The following MAP3K7 variants were observed in gnomAD, a reference collection of about 807,000 sequenced individuals.
MAP3K7 encodes TGF-beta activated kinase 1.
MAP3K7 carries 21 observed loss-of-function variants against 84.8 expected under a neutral mutation model. The ratio of observed to expected loss-of-function variants is 0.25; its 90% CI spans 0.18 to 0.36. The LOEUF (loss-of-function observed/expected upper bound fraction) is 0.36, where lower values mean the gene tolerates loss of function less well. Among genes scored for constraint, MAP3K7 ranks in the 10% least tolerant of loss-of-function variants. The pLI is 1.00. For missense variants in MAP3K7, 503 were observed against 747.7 expected (o/e 0.67, Z 3.82); for synonymous variants, 241 against 247.7 (o/e 0.97, Z 0.25).
rs1775382457 is a variant in MAP3K7 at position 90,528,110 on chromosome 6, C to T, written c.1357-4327G>A. ...AGCCAGAATGGTCTCGATCTCCTGA[C>T]CTCGTGATCCGCCCGCCTCGGCCTC... On this transcript the variant is annotated intron_variant, in intron 13 of 16. Coordinates refer to ENST00000369329, the MANE Select transcript of MAP3K7 (RefSeq NM_145331.3). Among the ~76,000 whole-genome samples the T allele has an allele frequency of 1.4e-4, 2 of 14,432 alleles. 1 individual carries two copies. Among genetic ancestry groups the T allele is most frequent in the Non-Finnish European group, 3.3e-4 (2 of 6,138 alleles). 9.5% of individuals were successfully genotyped at this position (14,432 alleles called of 152,430 possible).
intron 13 of MAP3K7, among the ~76,000 whole-genome samples, chr6:90,525,718 C>A (rs1037608217): frequency 4.6e-5 from 7 of 151,236 alleles, no homozygotes; most frequent in Non-Finnish European, 5.9e-5. Context: ...CAGGCACACA[C>A]AACTATGCCC....
intron 4 of MAP3K7, among the ~76,000 whole-genome samples, chr6:90,561,087 T>C (rs1776497504): frequency 1.3e-5 from 2 of 152,192 alleles, no homozygotes; most frequent in Non-Finnish European, 2.9e-5. Context: ...CAATTTGTTT[T>C]ATATAACTGG....
At chr6:90,540,507 T>C (rs1028748603) in intron 12 of MAP3K7, among the ~76,000 whole-genome samples, 1 of 151,942 alleles carries the variant, frequency 6.6e-6, no homozygotes, top group Non-Finnish European at 1.5e-5. Context: ...TTTCACTTTA[T>C]AAAAGCAATC....
In MAP3K7 at chr6:90,516,877, C is replaced by G. The variant is rs373452988; in HGVS notation, c.1641-196G>C. ...GTGTAATCATACAAATAACATAATC[C>G]TTTTATTAAGTAACTGTACTTGGAT... On this transcript the variant is annotated intron_variant, in intron 16 of 16. Coordinates refer to ENST00000369329, the MANE Select transcript of MAP3K7 (RefSeq NM_145331.3). Among the ~76,000 whole-genome samples the G allele has an allele frequency of 1.2e-3, 178 of 151,922 alleles. 1 individual carries two copies. Among genetic ancestry groups the G allele is most frequent in the African/African-American group, 3.9e-3 (161 of 41,492 alleles).
intron 13 of MAP3K7, among the ~76,000 whole-genome samples, chr6:90,526,846 A>C (rs992791675): frequency 6.6e-6 from 1 of 152,146 alleles, no homozygotes; most frequent in Admixed American, 6.5e-5. Context: ...ATCTTAAATT[A>C]TCCTAAACAA....
chr6:90,583,137 C>T (rs1454341177), intron 1 of MAP3K7, among the ~76,000 whole-genome samples: 1 of 152,102 alleles, frequency 6.6e-6, no homozygotes, highest in Non-Finnish European at 1.5e-5. Context: ...CCCGCACTGG[C>T]CCTCCAAAGT....
intron 1 of MAP3K7, among the ~76,000 whole-genome samples, chr6:90,573,347 A>T (rs191001882): frequency 8.5e-5 from 13 of 152,312 alleles, no homozygotes; most frequent in Admixed American, 8.5e-4. Context: ...AACAAAGTTG[A>T]CTATAACTAG....
rs182814265 is a variant in MAP3K7 at position 90,513,729 on chromosome 6, A to G, written c.*2772T>C. On this transcript the variant is annotated 3_prime_UTR_variant, in exon 17 of 17. Coordinates refer to ENST00000369329, the MANE Select transcript of MAP3K7 (RefSeq NM_145331.3). ...TAGAAGTAGAACTTACTACCATTTG[A>G]AGACAGGAGTTGAGCGCTGAAAACC... The G allele has an allele frequency of 1.3e-4, 20 of 152,260 alleles. No homozygotes were observed. In the East Asian group the frequency reaches 3.7e-3, roughly 28 times the overall value. The allele number at this position is 152,260 out of a possible 1,614,324, so 9.4% of individuals were successfully genotyped here.
chr6:90,536,282 T>C, intron 13 of MAP3K7, 55 bp downstream of exon 13: 1 of 1,409,824 alleles, frequency 7.1e-7, no homozygotes, highest in South Asian at 1.2e-5. Context: ...ATACAGTTAA[T>C]TCTTGTTTTC....
At chr6:90,560,026 TGAGA>T (rs776134715) in intron 5 of MAP3K7, 46 bp downstream of exon 5, 20 of 1,607,592 alleles carry the variant, frequency 1.2e-5, no homozygotes, top group Non-Finnish European at 1.5e-5. Flanking sequence ...GTGGTGAGAG[TGAGA>T]GAGAAGGAGG....
chr6:90,536,356 G>C lies in MAP3K7; in HGVS notation c.1337C>G (p.Thr446Ser). The C allele has an allele frequency of 6.2e-7, 1 of 1,612,200 alleles. No homozygotes were observed. The highest frequency in any genetic ancestry group is 1.1e-5 in the South Asian group (1 of 91,022). The change falls in exon 13 of 17, where the codon ACT becomes AGT. Residue 446 changes from threonine to serine, a missense_variant. This residue lies in a region of MAP3K7 where 286 missense variants were observed against 313.6 expected (regional missense o/e 0.91). Transcript: ENST00000369329. The part of the protein sequence containing the change: ...RRRSIQDLTV[T>S]GTEPGQVSSR... ...TCTTACCTGACCAGGTTCTGTTCCA[G>C]TTACAGTCAAGTCTTGGATGGATCT...
intron 5 of MAP3K7, among the ~76,000 whole-genome samples, chr6:90,559,451 AAG>A (rs1158036053): frequency 6.6e-5 from 10 of 152,188 alleles, no homozygotes; most frequent in African/African-American, 2.4e-4. Flanking sequence ...AAGAAAAAAA[AAG>A]AGAGAAAAGG....
At chr6:90,581,406 C>T (rs893782284) in intron 1 of MAP3K7, among the ~76,000 whole-genome samples, 5 of 152,140 alleles carry the variant, frequency 3.3e-5, no homozygotes, top group African/African-American at 1.2e-4. Context: ...AAGCATAGAT[C>T]ATACATTTAT....
chr6:90,586,229 A>G lies in MAP3K7; in HGVS notation c.120+535T>C, dbSNP rs566297280. Among the ~76,000 whole-genome samples, 13 of 151,108 alleles carry G rather than the reference A, an allele frequency of 8.6e-5. No homozygotes were observed. In the East Asian group the frequency reaches 1.8e-3, roughly 20 times the overall value. On this transcript the variant is annotated intron_variant, in intron 1 of 16. Transcript: ENST00000369329. ...CTACTAAAAATACAAAAAATTAGCCAGGCGCGGTGGCGGGCGCCTGTAGTC... is the reference window on the plus strand; with the variant it reads ...CTACTAAAAATACAAAAAATTAGCCGGGCGCGGTGGCGGGCGCCTGTAGTC...
chr6:90,542,142 T>G (rs1187361570), intron 12 of MAP3K7: 2 of 686,888 alleles, frequency 2.9e-6, no homozygotes, highest in Non-Finnish European at 3.6e-6. Flanking sequence ...TATTAAGAAA[T>G]TTTGGAAATT....
intron 12 of MAP3K7, chr6:90,542,413 C>T: frequency 1.0e-6 from 1 of 983,034 alleles, no homozygotes; most frequent in Non-Finnish European, 1.2e-6. Flanking sequence ...ATAATATTTT[C>T]ATATGAATAG....
rs561684627 is a variant in MAP3K7 at position 90,561,376 on chromosome 6, T to C, written c.343+246A>G. On this transcript the variant is annotated intron_variant, in intron 4 of 16. Coordinates refer to ENST00000369329, the MANE Select transcript of MAP3K7 (RefSeq NM_145331.3). ...AAAATCTATTTAAAAAGTAAACTTT[T>C]ACTTAAATGCTTTTAATGAAATGCA... Among the ~76,000 whole-genome samples the C allele has an allele frequency of 2.2e-4, 34 of 152,242 alleles. No homozygotes were observed. The Middle Eastern group carries it at 0.01, about 46-fold the overall frequency.
intron 4 of MAP3K7, 49 bp downstream of exon 4, chr6:90,561,573 T>C: frequency 7.1e-7 from 1 of 1,402,878 alleles, no homozygotes; most frequent in Non-Finnish European, 9.9e-7. Context: ...ATTAAAATTT[T>C]TCAAATTATT....
At chr6:90,550,730 A>G in intron 8 of MAP3K7, 181 bp from the exon 9 acceptor site, 1 of 472,192 alleles carries the variant, frequency 2.1e-6, no homozygotes, top group Non-Finnish European at 3.8e-6. Flanking sequence ...CACCTACCTA[A>G]GAATCTAGCT....
Sources: gnomAD v4.1 joint callset for allele counts (sites outside exome capture counted in the v4.1 genomes callset) on GRCh38, gnomAD v4.1.1 for gene constraint, gnomAD v4.1.1 regional missense constraint, MANE v1.5 for transcripts, NCBI Gene and HGNC (gene_info 2026-07-23, HGNC 2026-07-21) for gene names.